Variants in EYS observed in about 807,000 individuals in gnomAD.
EYS encodes EGF-like photoreceptor maintenance factor.
EYS carries 250 observed loss-of-function variants against 282.1 expected under a neutral mutation model. The ratio of observed to expected loss-of-function variants is 0.89; its 90% CI spans 0.80 to 0.98. The LOEUF (loss-of-function observed/expected upper bound fraction) is 0.98, where lower values mean the gene tolerates loss of function less well. EYS is among the 50% of genes least tolerant of loss of function. The probability of loss-of-function intolerance (pLI) is 0.00; values close to 1 mark genes in which losing one functional copy is unlikely to be tolerated. For synonymous variants in EYS, 1,355 were observed against 1,282.9 expected, an observed-to-expected ratio of 1.06 and a Z score of -1.20; for missense variants, 4,016 against 3,709.0, an observed-to-expected ratio of 1.08 and a Z score of -2.15.
intron 35 of EYS, among the ~76,000 whole-genome samples, chr6:63,955,333 T>A (rs1401304859): frequency 6.6e-6 from 1 of 152,188 alleles, no homozygotes; most frequent in African/African-American, 2.4e-5. Flanking sequence ...CCACCATAAC[T>A]GATATCTCCT....
At chr6:64,193,005 C>T (rs561229183) in intron 31 of EYS, among the ~76,000 whole-genome samples, 1 of 152,268 alleles carries the variant, frequency 6.6e-6, no homozygotes, top group South Asian at 2.1e-4. Flanking sequence ...GTGTCAATGC[C>T]ACATTGTTTT....
rs552877171 is a variant in EYS, at chr6:64,877,748, T to A, written c.2992+8949A>T. ...AGGTAGTGAGGAAATGGATATTCAA[T>A]AGACAGCAGGTTTCAAAATTCTTTT... On this transcript the variant is annotated intron_variant, in intron 19 of 42. Coordinates refer to ENST00000503581, the MANE Select transcript of EYS (RefSeq NM_001142800.2). Among the ~76,000 whole-genome samples, 9 of 152,282 alleles carry A rather than the reference T, an allele frequency of 5.9e-5. No individual in the cohort carries two copies. The South Asian group carries it at 1.9e-3, about 32-fold the overall frequency.
intron 8 of EYS, among the ~76,000 whole-genome samples, chr6:65,369,332 A>T (rs892459404): frequency 1.4e-5 from 2 of 141,898 alleles, no homozygotes; most frequent in African/African-American, 2.6e-5. Context: ...ATATATATTT[A>T]TATATATATA....
intron 2 of EYS, among the ~76,000 whole-genome samples, chr6:65,524,401 A>G (rs929609524): frequency 9.9e-5 from 15 of 152,128 alleles, no homozygotes; most frequent in African/African-American, 3.6e-4. Flanking sequence ...GGAAGTAAGC[A>G]TTTTGCTACT....
chr6:65,135,901 G>T (rs1252380519), intron 12 of EYS, among the ~76,000 whole-genome samples: 4 of 151,844 alleles, frequency 2.6e-5, no homozygotes, highest in African/African-American at 9.7e-5. Flanking sequence ...GGAAATTGTG[G>T]GCCAAGAGAA....
At chr6:64,420,765 C>G (rs1774206399) in intron 28 of EYS, among the ~76,000 whole-genome samples, 1 of 152,148 alleles carries the variant, frequency 6.6e-6, no homozygotes, top group African/African-American at 2.4e-5. Flanking sequence ...CTGCCAGTCT[C>G]CTTGATAAAG....
At chr6:64,886,573 C>A in intron 19 of EYS, 124 bp downstream of exon 19, 1 of 596,856 alleles carries the variant, frequency 1.7e-6, no homozygotes. Context: ...GACAAATTAT[C>A]TCTTGACATT....
chr6:64,371,670 G>A (rs978267612), intron 29 of EYS, among the ~76,000 whole-genome samples: 2 of 152,044 alleles, frequency 1.3e-5, no homozygotes, highest in Admixed American at 6.6e-5. Context: ...GTCTCTAAGA[G>A]CTTGATCTAT....
chr6:65,641,744 G>T (rs925190210), intron 1 of EYS, among the ~76,000 whole-genome samples: 1 of 152,076 alleles, frequency 6.6e-6, no homozygotes, highest in Admixed American at 6.5e-5. Flanking sequence ...TTAAATTTTG[G>T]AGATCTTTAT....
chr6:64,892,870 A>T (rs1339092495), intron 18 of EYS, among the ~76,000 whole-genome samples: 3 of 152,094 alleles, frequency 2.0e-5, no homozygotes, highest in Non-Finnish European at 4.4e-5. Flanking sequence ...GGTTAAATGC[A>T]TATTAACCAA....
At chr6:64,119,255 T>C (rs1322015877) in intron 31 of EYS, among the ~76,000 whole-genome samples, 2 of 152,124 alleles carry the variant, frequency 1.3e-5, no homozygotes, top group African/African-American at 4.8e-5. Context: ...GAAATAACCA[T>C]TTTATTGAGT....
Position 65,083,588 on chromosome 6 carries a change from G to C in EYS, c.2024-25861C>G, listed in dbSNP as rs1004821611. Among the ~76,000 whole-genome samples, 39 of 151,662 alleles carry C rather than the reference G, an allele frequency of 2.6e-4. 1 individual carries two copies. The highest frequency in any genetic ancestry group is 9.4e-4 in the African/African-American group (39 of 41,384). On this transcript the variant is annotated intron_variant, in intron 12 of 42. Coordinates refer to ENST00000503581, the MANE Select transcript of EYS (RefSeq NM_001142800.2). ...TAACTGATACCTCGAATATTATTTT[G>C]TTTTGATAACTGTTACTTTTTCAAC...
At chr6:65,469,310 G>A (rs1765122668) in intron 5 of EYS, among the ~76,000 whole-genome samples, 5 of 151,980 alleles carry the variant, frequency 3.3e-5, no homozygotes, top group Non-Finnish European at 7.4e-5. Flanking sequence ...AATATCATAA[G>A]TAGTTCAAAC....
rs547997003 is a variant in EYS, at chr6:64,374,449, C to T, written c.6078+14241G>A. Among the ~76,000 whole-genome samples the T allele has an allele frequency of 5.9e-5, 9 of 152,230 alleles. 1 individual carries two copies. In the South Asian group the frequency reaches 1.9e-3, roughly 32 times the overall value. On this transcript the variant is annotated intron_variant, in intron 29 of 42. Coordinates refer to ENST00000503581, the MANE Select transcript of EYS (RefSeq NM_001142800.2). ...GTGCAGGGGAGCTGGGGGATTTTCT[C>T]TATCCCAGTCTTGCACAGATCCCTG...
chr6:65,069,782 G>T (rs74977576), intron 12 of EYS, among the ~76,000 whole-genome samples: 2,192 of 151,814 alleles, frequency 0.014, 51 homozygotes, highest in African/African-American at 0.05. Flanking sequence ...TTTTTCTTCT[G>T]TGCTTCAAAA....
At chr6:64,791,168 C>CTGAGG (rs1774179540) in intron 22 of EYS, among the ~76,000 whole-genome samples, 2 of 151,798 alleles carry the variant, frequency 1.3e-5, no homozygotes, top group Non-Finnish European at 3.0e-5. Flanking sequence ...TATATCCAAT[C>CTGAGG]CATTTTAGCC....
intron 26 of EYS, among the ~76,000 whole-genome samples, chr6:64,440,927 T>C (rs977051132): frequency 1.3e-5 from 2 of 152,100 alleles, no homozygotes; most frequent in African/African-American, 4.8e-5. Flanking sequence ...CAGAATATAT[T>C]TGAGTTACTA....
chr6:63,932,964 G>T (rs536305198), intron 35 of EYS, among the ~76,000 whole-genome samples: 4 of 152,326 alleles, frequency 2.6e-5, no homozygotes, highest in African/African-American at 9.6e-5. Context: ...TACCTTCCTT[G>T]GGTTTGATCA....
intron 22 of EYS, among the ~76,000 whole-genome samples, chr6:64,651,195 A>G (rs921951880): frequency 6.6e-6 from 1 of 152,194 alleles, no homozygotes; most frequent in Non-Finnish European, 1.5e-5. Context: ...CAGAAAGGAT[A>G]GAATGGTTAC....
Sources: allele counts gnomAD v4.1 joint callset (sites outside exome capture counted in the v4.1 genomes callset), GRCh38; gene constraint gnomAD v4.1.1; transcripts MANE v1.5; gene names NCBI Gene and HGNC (gene_info 2026-07-23, HGNC 2026-07-21).